RNF14: variants seen among roughly 807,000 people sequenced by gnomAD.
The protein encoded by RNF14 is ring finger protein 14, also known as E3 ubiquitin-protein ligase RNF14.
RNF14 carries 26 observed loss-of-function variants against 52.6 expected under a neutral mutation model. That is an observed-to-expected ratio of 0.49 (90% CI 0.36 to 0.69). The LOEUF (loss-of-function observed/expected upper bound fraction) is 0.69, where lower values mean the gene tolerates loss of function less well. RNF14 is among the 30% of genes least tolerant of loss of function. The pLI, the probability that RNF14 is intolerant of heterozygous loss-of-function variation, is 0.00. For synonymous variants in RNF14, 194 were observed against 202.0 expected (o/e 0.96, Z 0.34); for missense variants, 404 against 560.4 (o/e 0.72, Z 2.82).
chr5:141,951,618 C>G, the RNF14 span: 1 of 1,508,230 alleles, frequency 6.6e-7, no homozygotes, highest in Non-Finnish European at 9.2e-7. Flanking sequence ...TCTGTTGACT[C>G]CACACAATTC....
chr5:141,953,063 C>T, the RNF14 span: 1 of 152,426 alleles, frequency 6.6e-6, no homozygotes, highest in Non-Finnish European at 1.5e-5. Flanking sequence ...AGATACCTGC[C>T]ACCCTTTGCT....
chr5:141,972,882 C>T lies in RNF14; in HGVS notation c.-6-701C>T, dbSNP rs1050263307. On this transcript the variant is annotated intron_variant, in intron 2 of 8. Transcript: ENST00000394520. ...TTGGGATTACAGGCACGAGCCACCG[C>T]GCCTGGCAAATTAACTTAAGAAAGG... Among the ~76,000 whole-genome samples, 32 of 152,158 alleles carry T rather than the reference C, an allele frequency of 2.1e-4. 1 individual carries two copies. The highest frequency in any genetic ancestry group is 1.7e-3 in the South Asian group (8 of 4,828).
chr5:141,981,012 T>A (rs1754722658), intron 6 of RNF14, among the ~76,000 whole-genome samples: 1 of 152,208 alleles, frequency 6.6e-6, no homozygotes, highest in Non-Finnish European at 1.5e-5. Context: ...GTTTCCAGTC[T>A]ACGTAAGGAA....
At chr5:141,962,263 G>C (rs1753280325), upstream of RNF14, among the ~76,000 whole-genome samples, 1 of 152,152 alleles carries the variant, frequency 6.6e-6, no homozygotes, top group South Asian at 2.1e-4. Context: ...CACTTTGCAG[G>C]GAGAAATTTG....
At chr5:141,983,029 CATTT>C (rs1754918855) in intron 6 of RNF14, among the ~76,000 whole-genome samples, 1 of 152,096 alleles carries the variant, frequency 6.6e-6, no homozygotes. Context: ...GATTCCTTTC[CATTT>C]ATTATCATTT....
At chr5:141,985,624 C>A (rs1046357104) in intron 8 of RNF14, among the ~76,000 whole-genome samples, 4 of 152,064 alleles carry the variant, frequency 2.6e-5, no homozygotes, top group African/African-American at 9.7e-5. Context: ...GGTGCCGTCT[C>A]GGCTCACTGC....
upstream of RNF14, among the ~76,000 whole-genome samples, chr5:141,953,769 C>T (rs1753128304): frequency 6.6e-6 from 1 of 152,206 alleles, no homozygotes; most frequent in South Asian, 2.1e-4. Context: ...TGGGTCTGCA[C>T]CGATCCCAGG....
At chr5:141,960,887 C>T (rs1221923229) in intron 1 of RNF14, among the ~76,000 whole-genome samples, 4 of 152,130 alleles carry the variant, frequency 2.6e-5, no homozygotes, top group African/African-American at 9.7e-5. Context: ...GCAGAAAACT[C>T]GTTTCCAGAG....
rs1170364851 is a variant in RNF14, at chr5:141,989,036, T to G, written c.*1246T>G. ...GAACTACAGCTTGAGAACGTATTCT[T>G]TTTTTCCTACTTTGTTATTGCAAAT... is the stretch of plus-strand genomic sequence containing the variant. On this transcript the variant is annotated 3_prime_UTR_variant, in exon 9 of 9. Coordinates refer to ENST00000394520, the MANE Select transcript of RNF14 (RefSeq NM_004290.5). 6.6e-6 allele frequency: 1 copy of G among 152,368 alleles called. No homozygotes were observed. The highest frequency in any genetic ancestry group is 1.5e-5 in the Non-Finnish European group (1 of 68,048). The allele number at this position is 152,368 out of a possible 1,614,324, so 9.4% of individuals were successfully genotyped here.
intron 6 of RNF14, among the ~76,000 whole-genome samples, chr5:141,980,872 G>A (rs1180905916): frequency 1.3e-5 from 2 of 152,194 alleles, no homozygotes; most frequent in Non-Finnish European, 2.9e-5. Context: ...TTGTCTCCAT[G>A]GCACATGTGT....
intron 2 of RNF14, among the ~76,000 whole-genome samples, chr5:141,971,636 C>CTTT (rs58804572): frequency 4.3e-5 from 5 of 117,126 alleles, no homozygotes; most frequent in African/African-American, 1.2e-4. Context: ...TCTTTCTTTC[C>CTTT]TTTTTTTTTT....
At chr5:141,954,368 C>A (rs190600215), upstream of RNF14, among the ~76,000 whole-genome samples, 8 of 152,164 alleles carry the variant, frequency 5.3e-5, no homozygotes, top group Non-Finnish European at 1.0e-4. Context: ...TGAAGGCAGG[C>A]AAATAGTGGA....
chr5:141,951,726 G>A, the RNF14 span: 3 of 694,868 alleles, frequency 4.3e-6, no homozygotes, highest in East Asian at 5.4e-5. Context: ...GATCAGATGG[G>A]GGATGGTGCC....
At chr5:141,949,460 CTCT>C in the RNF14 span, 7 of 1,613,826 alleles carry the variant, frequency 4.3e-6, no homozygotes, top group Non-Finnish European at 5.9e-6. Context: ...GACTTGACAG[CTCT>C]TCTTCTAGCA....
At position 141,981,093 on chromosome 5, in the gene RNF14, T is replaced by C. The variant is rs1754733359; in HGVS notation, c.1063+742T>C. Among the ~76,000 whole-genome samples the C allele has an allele frequency of 2.6e-5, 4 of 152,176 alleles. No homozygotes were observed. The South Asian group carries it at 8.3e-4, about 31-fold the overall frequency. ...TTAGTCTTCTTCAGACTAACAGGGA[T>C]AATGATAACAGCTACCTCACAAAAT... On this transcript the variant is annotated intron_variant, in intron 6 of 8. Transcript: ENST00000394520.
chr5:141,979,434 T>A (rs969392014), intron 5 of RNF14, among the ~76,000 whole-genome samples: 7 of 152,128 alleles, frequency 4.6e-5, no homozygotes, highest in Non-Finnish European at 7.4e-5. Flanking sequence ...GTATTTTTAG[T>A]AGAGACGGGG....
upstream of RNF14, chr5:141,956,665 T>C (rs781377313): frequency 1.2e-6 from 2 of 1,614,250 alleles, no homozygotes; most frequent in Non-Finnish European, 1.7e-6. Context: ...GTGGCCCAGC[T>C]CTTGGCTCAG....
upstream of RNF14, chr5:141,957,390 G>A (rs75760923): frequency 1.3e-3 from 2,073 of 1,613,694 alleles, 32 homozygotes; most frequent in African/African-American, 0.025. This position sits in a 1 kb window ranked among gnomAD's most constrained non-coding sequence, Gnocchi z 4.3. Context: ...TGTCCAGGGG[G>A]ATCCGGGTTC....
intron 7 of RNF14, among the ~76,000 whole-genome samples, chr5:141,984,357 C>T (rs530195194): frequency 6.6e-6 from 1 of 152,262 alleles, no homozygotes; most frequent in African/African-American, 2.4e-5. Flanking sequence ...CTTGGCTTCC[C>T]AAAGTGCTGG....
Sources: allele counts gnomAD v4.1 joint callset (sites outside exome capture counted in the v4.1 genomes callset), GRCh38; gene constraint gnomAD v4.1.1; non-coding constraint Gnocchi (gnomAD v3.1); transcripts MANE v1.5; gene names NCBI Gene and HGNC (gene_info 2026-07-23, HGNC 2026-07-21).